Variants in PLCB1 observed in about 807,000 individuals in gnomAD.
PLCB1 encodes the protein 1-phosphatidylinositol 4,5-bisphosphate phosphodiesterase beta-1.
PLCB1 carries 46 observed loss-of-function variants against 161.8 expected under a neutral mutation model. The ratio of observed to expected loss-of-function variants is 0.28; its 90% confidence interval spans 0.22 to 0.36. The LOEUF (loss-of-function observed/expected upper bound fraction) is 0.36. PLCB1 is among the 10% of genes least tolerant of loss of function. PLCB1 has a pLI of 1.00. For synonymous variants in PLCB1, 517 were observed against 503.7 expected (o/e 1.03, Z -0.35); for missense variants, 1,016 against 1,472.5 (o/e 0.69, Z 5.07).
intron 27 of PLCB1, among the ~76,000 whole-genome samples, chr20:8,775,863 G>T (rs928380592): frequency 1.3e-5 from 2 of 152,124 alleles, no homozygotes; most frequent in Non-Finnish European, 2.9e-5. Context: ...ATACCTAAAT[G>T]TGAGGCTCAG....
intron 2 of PLCB1, among the ~76,000 whole-genome samples, chr20:8,280,477 T>C (rs922866271): frequency 6.6e-6 from 1 of 152,178 alleles, no homozygotes; most frequent in South Asian, 2.1e-4. Flanking sequence ...AAGGCTTATG[T>C]CATTTAATTT....
chr20:8,617,437 A>G (rs1268817027), intron 3 of PLCB1, among the ~76,000 whole-genome samples: 1 of 152,060 alleles, frequency 6.6e-6, no homozygotes, highest in Non-Finnish European at 1.5e-5. Flanking sequence ...ATTGTGTGCT[A>G]CTTGATCTTT....
intron 3 of PLCB1, among the ~76,000 whole-genome samples, chr20:8,546,313 C>CAAAAAAAAAAAAAAAAAAA (rs369485988): frequency 9.7e-6 from 1 of 102,938 alleles, no homozygotes. Flanking sequence ...GACTCTATCT[C>CAAAAAAAAAAAAAAAAAAA]AAAAAAAAAA....
intron 16 of PLCB1, among the ~76,000 whole-genome samples, chr20:8,726,613 T>A (rs892201644): frequency 1.3e-5 from 2 of 152,004 alleles, no homozygotes; most frequent in Non-Finnish European, 1.5e-5. Context: ...ATGAGACTAA[T>A]GCATTATCAT....
chr20:8,573,625 A>T (rs1222624900), intron 3 of PLCB1, among the ~76,000 whole-genome samples: 2 of 152,248 alleles, frequency 1.3e-5, no homozygotes, highest in Non-Finnish European at 2.9e-5. Flanking sequence ...GACTCTGGCC[A>T]AATGATCCTT....
At chr20:8,849,987 T>C (rs1159289999) in intron 31 of PLCB1, among the ~76,000 whole-genome samples, 1 of 152,084 alleles carries the variant, frequency 6.6e-6, no homozygotes, top group Non-Finnish European at 1.5e-5. Context: ...CACTCCAGCC[T>C]GGCGACAGAG....
At chr20:8,403,502 C>T (rs1485173379) in intron 3 of PLCB1, among the ~76,000 whole-genome samples, 1 of 152,116 alleles carries the variant, frequency 6.6e-6, no homozygotes, top group Non-Finnish European at 1.5e-5. Flanking sequence ...TTTTAATTTG[C>T]CCAGTGGTGC....
intron 3 of PLCB1, among the ~76,000 whole-genome samples, chr20:8,422,228 A>G (rs1979568780): frequency 6.6e-6 from 1 of 152,246 alleles, no homozygotes; most frequent in South Asian, 2.1e-4. Flanking sequence ...ATTTAGTAGA[A>G]ATCAGAGCGT....
At chr20:8,414,068 A>C (rs557091761) in intron 3 of PLCB1, among the ~76,000 whole-genome samples, 8 of 152,322 alleles carry the variant, frequency 5.3e-5, no homozygotes, top group Admixed American at 1.3e-4. Context: ...AGTGGAAAAG[A>C]TAAATGACTA....
intron 2 of PLCB1, among the ~76,000 whole-genome samples, chr20:8,215,797 T>C (rs554635618): frequency 6.6e-6 from 1 of 152,158 alleles, no homozygotes; most frequent in South Asian, 2.1e-4. Flanking sequence ...TGAAAAGTGC[T>C]GAAGTAGGGC....
chr20:8,709,998 C>A (rs1245276871), intron 12 of PLCB1, among the ~76,000 whole-genome samples: 1 of 152,208 alleles, frequency 6.6e-6, no homozygotes, highest in Non-Finnish European at 1.5e-5. Context: ...TAAACAATTT[C>A]TCATCTCTGT....
chr20:8,696,060 A>G (rs1011289415), intron 10 of PLCB1, among the ~76,000 whole-genome samples: 5 of 152,186 alleles, frequency 3.3e-5, no homozygotes, highest in African/African-American at 4.8e-5. Flanking sequence ...TTGGTGTTGT[A>G]TCTACAAAAC....
chr20:8,575,579 C>T (rs1441230834), intron 3 of PLCB1, among the ~76,000 whole-genome samples: 2 of 152,160 alleles, frequency 1.3e-5, no homozygotes, highest in Non-Finnish European at 2.9e-5. Flanking sequence ...AGATGAATTC[C>T]CCCGCTCTAG....
intron 2 of PLCB1, among the ~76,000 whole-genome samples, chr20:8,164,559 G>A (rs1386081268): frequency 6.6e-6 from 1 of 152,186 alleles, no homozygotes; most frequent in Non-Finnish European, 1.5e-5. Flanking sequence ...GGACATCACT[G>A]CACAGAGCTT....
chr20:8,264,306 T>C (rs755907247), intron 2 of PLCB1, among the ~76,000 whole-genome samples: 2 of 152,186 alleles, frequency 1.3e-5, no homozygotes, highest in Non-Finnish European at 2.9e-5. Context: ...AACTGTCACC[T>C]CATATGATAG....
intron 2 of PLCB1, among the ~76,000 whole-genome samples, chr20:8,267,477 G>A (rs1231855078): frequency 6.6e-6 from 1 of 152,104 alleles, no homozygotes; most frequent in African/African-American, 2.4e-5. Flanking sequence ...TGAGGCCACA[G>A]CCTTACTCAG....
intron 3 of PLCB1, among the ~76,000 whole-genome samples, chr20:8,413,067 A>C (rs889234370): frequency 6.6e-6 from 1 of 151,474 alleles, no homozygotes; most frequent in Non-Finnish European, 1.5e-5. Flanking sequence ...GACTTTGACC[A>C]AATTGTGTAG....
intron 3 of PLCB1, among the ~76,000 whole-genome samples, chr20:8,505,885 A>G (rs887445203): frequency 1.3e-5 from 2 of 152,182 alleles, no homozygotes; most frequent in Non-Finnish European, 2.9e-5. Context: ...ATTACTTGCT[A>G]TTATTATTGG....
At position 8,882,570 on chromosome 20, in the gene PLCB1, C is replaced by A. The variant is rs1600113690; in HGVS notation, c.*721C>A. On this transcript the variant is annotated 3_prime_UTR_variant, in exon 32 of 32. Transcript: ENST00000338037. The stretch of plus-strand genomic sequence containing the variant: ...TGGCTGCATGAGCAAGTCGGCCGCA[C>A]ACTTCCAGACAGTGTGCTGTTTGAA... 1 of 152,836 alleles carries A rather than the reference C, an allele frequency of 6.5e-6. No homozygotes were observed. The highest frequency in any genetic ancestry group is 6.5e-5 in the Admixed American group (1 of 15,308). The allele number at this position is 152,836 out of a possible 1,614,324, so 9.5% of individuals were successfully genotyped here. A position where few individuals can be genotyped will look rare whatever the true frequency, so the allele number is the denominator to read the frequency against.
Sources: gnomAD v4.1 joint callset for allele counts (sites outside exome capture counted in the v4.1 genomes callset) on GRCh38, gnomAD v4.1.1 for gene constraint, MANE v1.5 for transcripts, NCBI Gene and HGNC (gene_info 2026-07-23, HGNC 2026-07-21) for gene names.